Variants in ARHGAP10 observed in about 807,000 individuals in gnomAD.
ARHGAP10 encodes rho GTPase-activating protein 10.
ARHGAP10 carries 87 observed loss-of-function variants against 108.6 expected under a neutral mutation model. That is an observed-to-expected ratio of 0.80 (90% CI 0.67 to 0.96). The LOEUF is 0.96. Among genes scored for constraint, ARHGAP10 ranks in the 40% least tolerant of loss-of-function variants. ARHGAP10 has a pLI of 0.00. For missense variants in ARHGAP10, 939 were observed against 954.5 expected, an observed-to-expected ratio of 0.98 and a Z score of 0.21; for synonymous variants, 347 against 341.1, an observed-to-expected ratio of 1.02 and a Z score of -0.19.
chr4:147,797,514 G>A (rs906544308), intron 1 of ARHGAP10, among the ~76,000 whole-genome samples: 3 of 152,194 alleles, frequency 2.0e-5, no homozygotes, highest in African/African-American at 7.2e-5. Flanking sequence ...CCAGGTTCAA[G>A]TGATTCTCCT....
chr4:147,975,551 A>G (rs1739561028), intron 18 of ARHGAP10, among the ~76,000 whole-genome samples: 1 of 152,216 alleles, frequency 6.6e-6, no homozygotes, highest in South Asian at 2.1e-4. Context: ...TTCTTGATGC[A>G]TCATCTCATG....
intron 3 of ARHGAP10, among the ~76,000 whole-genome samples, chr4:147,837,384 A>C (rs935931704): frequency 2.0e-5 from 3 of 152,224 alleles, no homozygotes; most frequent in African/African-American, 7.2e-5. Flanking sequence ...TCTCAATTGC[A>C]AGCACTAGCT....
intron 1 of ARHGAP10, among the ~76,000 whole-genome samples, chr4:147,804,276 T>G (rs1046953130): frequency 1.3e-5 from 2 of 152,162 alleles, no homozygotes; most frequent in African/African-American, 4.8e-5. Context: ...GTTCCTGCAT[T>G]TGCTTAGGAT....
intron 1 of ARHGAP10, among the ~76,000 whole-genome samples, chr4:147,815,864 G>T (rs1489063542): frequency 6.6e-6 from 1 of 152,136 alleles, no homozygotes; most frequent in East Asian, 1.9e-4. Flanking sequence ...AGACAGTCCT[G>T]CTGACACCTT....
intron 1 of ARHGAP10, among the ~76,000 whole-genome samples, chr4:147,807,889 A>C (rs559375144): frequency 7.2e-5 from 11 of 152,250 alleles, no homozygotes; most frequent in Middle Eastern, 3.2e-3. Context: ...GAAAAAGTTC[A>C]TGAAGGTCCT....
At chr4:147,988,070 A>G (rs1186912784) in intron 18 of ARHGAP10, among the ~76,000 whole-genome samples, 1 of 152,124 alleles carries the variant, frequency 6.6e-6, no homozygotes, top group African/African-American at 2.4e-5. Flanking sequence ...GTTTGGTTTA[A>G]CTCAGTGTAG....
chr4:147,953,237 T>G lies in ARHGAP10; in HGVS notation c.1392-2079T>G, dbSNP rs549182273. 1.6e-3 allele frequency among the ~76,000 whole-genome samples: 240 copies of G among 152,170 alleles called. 2 individuals are homozygous for G. Among genetic ancestry groups the G allele is most frequent in the Middle Eastern group, 3.4e-3 (1 of 294 alleles). The stretch of plus-strand genomic sequence containing the variant: ...GGTCTGTAGTCTTCTCATAATGCCT[T>G]TCTCATAATGTCTTTAACTTTGATA... On this transcript the variant is annotated intron_variant, in intron 15 of 22. Coordinates refer to ENST00000336498, the MANE Select transcript of ARHGAP10 (RefSeq NM_024605.4).
intron 13 of ARHGAP10, among the ~76,000 whole-genome samples, chr4:147,929,069 A>G (rs1737571147): frequency 6.6e-6 from 1 of 152,178 alleles, no homozygotes; most frequent in Admixed American, 6.5e-5. Flanking sequence ...TAACCTTAAC[A>G]CATTTGTATT....
chr4:148,006,589 G>A (rs1740961724), intron 18 of ARHGAP10, among the ~76,000 whole-genome samples: 2 of 152,158 alleles, frequency 1.3e-5, no homozygotes, highest in Admixed American at 1.3e-4. Flanking sequence ...CAGTTTCACT[G>A]AAAATGAATT....
At chr4:147,742,439 C>G (rs1195502473) in intron 1 of ARHGAP10, among the ~76,000 whole-genome samples, 1 of 139,046 alleles carries the variant, frequency 7.2e-6, no homozygotes, top group Non-Finnish European at 1.5e-5. Context: ...ACAGTTGTGG[C>G]TTTACCCATA....
chr4:147,909,606 C>T, intron 11 of ARHGAP10, 126 bp from the exon 12 acceptor site: 1 of 773,906 alleles, frequency 1.3e-6, no homozygotes, highest in Non-Finnish European at 2.1e-6. Flanking sequence ...ATTTCTTATT[C>T]TATCACATTA....
At chr4:147,875,523 T>G (rs1560804079) in intron 8 of ARHGAP10, among the ~76,000 whole-genome samples, 1 of 152,170 alleles carries the variant, frequency 6.6e-6, no homozygotes, top group Non-Finnish European at 1.5e-5. Flanking sequence ...TCTACCCTCA[T>G]CACCAATGCA....
intron 3 of ARHGAP10, among the ~76,000 whole-genome samples, chr4:147,843,772 C>T (rs1733514934): frequency 6.6e-6 from 1 of 152,230 alleles, no homozygotes; most frequent in African/African-American, 2.4e-5. Context: ...CTGCCTCGGC[C>T]TCCCAAAGTG....
At chr4:148,060,697 T>C (rs1729581288) in intron 20 of ARHGAP10, among the ~76,000 whole-genome samples, 1 of 152,190 alleles carries the variant, frequency 6.6e-6, no homozygotes, top group African/African-American at 2.4e-5. Flanking sequence ...TTACAGTGTG[T>C]CTGCCCTTGT....
chr4:147,772,282 T>C (rs1730113919), intron 1 of ARHGAP10, among the ~76,000 whole-genome samples: 1 of 152,216 alleles, frequency 6.6e-6, no homozygotes. Context: ...CTCCCTAGGT[T>C]CCGTGTTTCC....
At chr4:147,766,456 A>G (rs1310681888) in intron 1 of ARHGAP10, among the ~76,000 whole-genome samples, 2 of 151,906 alleles carry the variant, frequency 1.3e-5, no homozygotes, top group Non-Finnish European at 2.9e-5. Context: ...TATGTAAGCA[A>G]CCATCAGTTT....
intron 10 of ARHGAP10, among the ~76,000 whole-genome samples, chr4:147,900,958 T>A (rs756712601): frequency 1.4e-4 from 21 of 152,166 alleles, no homozygotes; most frequent in Non-Finnish European, 2.5e-4. Context: ...ATGCGAATAA[T>A]CCAATATACT....
At chr4:148,070,513 A>T (rs1292971545) in intron 22 of ARHGAP10, among the ~76,000 whole-genome samples, 1 of 152,218 alleles carries the variant, frequency 6.6e-6, no homozygotes, top group Non-Finnish European at 1.5e-5. Flanking sequence ...CTGTCTTCCA[A>T]ACTGTGGGCA....
chr4:147,978,740 A>G (rs1338016435), intron 18 of ARHGAP10, among the ~76,000 whole-genome samples: 7 of 152,114 alleles, frequency 4.6e-5, no homozygotes, highest in Non-Finnish European at 8.8e-5. Context: ...GTAGTTCTTT[A>G]TAGCAGTGTG....
Sources: allele counts gnomAD v4.1 joint callset (sites outside exome capture counted in the v4.1 genomes callset), GRCh38; gene constraint gnomAD v4.1.1; transcripts MANE v1.5; gene names NCBI Gene and HGNC (gene_info 2026-07-23, HGNC 2026-07-21).